The following GULP1 variants were observed in gnomAD, a reference collection of about 807,000 sequenced individuals.
The protein encoded by GULP1 is GULP PTB domain containing engulfment adaptor 1.
GULP1 carries 19 observed loss-of-function variants against 40.9 expected under a neutral mutation model. The observed-to-expected ratio is 0.46, with a 90% CI of 0.32 to 0.68. The LOEUF (loss-of-function observed/expected upper bound fraction) is 0.68. Among genes scored for constraint, GULP1 ranks in the 30% least tolerant of loss-of-function variants. The pLI is 0.03. For synonymous variants in GULP1, 119 were observed against 117.6 expected (o/e 1.01, Z -0.08); for missense variants, 312 against 362.2 (o/e 0.86, Z 1.12).
chr2:188,334,787 G>A (rs527876767), intron 1 of GULP1, among the ~76,000 whole-genome samples: 55 of 152,246 alleles, frequency 3.6e-4, no homozygotes, highest in Non-Finnish European at 5.3e-4. Context: ...TTTATTAGGG[G>A]AATAAAAGAT....
chr2:188,452,043 A>G lies in GULP1; in HGVS notation c.-44-25616A>G, dbSNP rs534308242. ...GAGATTTTTATAATTTTGGATCACTAGAAAAGTAAGTATATGCACTACAGC... is the reference window on the plus strand; with the variant it reads ...GAGATTTTTATAATTTTGGATCACTGGAAAAGTAAGTATATGCACTACAGC... On this transcript the variant is annotated intron_variant, in intron 2 of 11. Coordinates refer to ENST00000409830, the MANE Select transcript of GULP1 (RefSeq NM_016315.4). 7.2e-5 allele frequency among the ~76,000 whole-genome samples: 11 copies of G among 152,330 alleles called. No homozygotes were observed. In the East Asian group the frequency reaches 1.5e-3, roughly 21 times the overall value.
intron 2 of GULP1, among the ~76,000 whole-genome samples, chr2:188,450,731 G>A (rs1030776103): frequency 2.0e-5 from 3 of 151,946 alleles, no homozygotes; most frequent in Non-Finnish European, 2.9e-5. Flanking sequence ...GATGTTTCCC[G>A]TTTATTAAGT....
chr2:188,528,095 A>G (rs1358255093), intron 5 of GULP1, among the ~76,000 whole-genome samples: 1 of 152,132 alleles, frequency 6.6e-6, no homozygotes, highest in Non-Finnish European at 1.5e-5. Flanking sequence ...AAAAAGTTGG[A>G]TGCTGGGGTG....
At chr2:188,351,301 G>C (rs2044413809) in intron 1 of GULP1, among the ~76,000 whole-genome samples, 1 of 152,100 alleles carries the variant, frequency 6.6e-6, no homozygotes, top group Non-Finnish European at 1.5e-5. Flanking sequence ...GATTATGACA[G>C]AATTAAGGGA....
intron 2 of GULP1, among the ~76,000 whole-genome samples, chr2:188,460,553 G>A (rs765658954): frequency 3.9e-5 from 6 of 151,948 alleles, no homozygotes; most frequent in East Asian, 1.9e-4. Context: ...TGTTTTGGTG[G>A]AGTGTTTAGG....
At chr2:188,320,720 A>T (rs1045912988) in intron 1 of GULP1, among the ~76,000 whole-genome samples, 2 of 152,148 alleles carry the variant, frequency 1.3e-5, no homozygotes, top group African/African-American at 4.8e-5. Context: ...ATCCTTCAAC[A>T]TTCATCTTCT....
At position 188,364,174 on chromosome 2, in the gene GULP1, A is replaced by G. The variant is rs1057262126; in HGVS notation, c.-171-19589A>G. On this transcript the variant is annotated intron_variant, in intron 1 of 11. Transcript: ENST00000409830. ...CCTATCTGATCATCTTGCTCAAGCAATAGGCAATCCTTTTGCAAATAAGTG... is the reference window on the plus strand; with the variant it reads ...CCTATCTGATCATCTTGCTCAAGCAGTAGGCAATCCTTTTGCAAATAAGTG... Among the ~76,000 whole-genome samples, 4 of 152,144 alleles carry G rather than the reference A, an allele frequency of 2.6e-5. No homozygotes were observed. In the East Asian group the frequency reaches 5.8e-4, roughly 22 times the overall value.
intron 2 of GULP1, among the ~76,000 whole-genome samples, chr2:188,386,530 T>G (rs2049779185): frequency 6.6e-6 from 1 of 152,156 alleles, no homozygotes; most frequent in Non-Finnish European, 1.5e-5. Context: ...GTATTTTCTA[T>G]TATATCTGTT....
chr2:188,491,072 A>G (rs2062337978), intron 4 of GULP1, among the ~76,000 whole-genome samples: 1 of 152,076 alleles, frequency 6.6e-6, no homozygotes, highest in Non-Finnish European at 1.5e-5. Context: ...TGCTGGGATT[A>G]CAGGGATGAG....
intron 1 of GULP1, among the ~76,000 whole-genome samples, chr2:188,368,351 C>T (rs894345650): frequency 6.6e-6 from 1 of 151,980 alleles, no homozygotes; most frequent in South Asian, 2.1e-4. Context: ...GGGGCATAGG[C>T]GGGTGGATCA....
At chr2:188,384,848 CTA>C (rs2049466727) in intron 2 of GULP1, among the ~76,000 whole-genome samples, 1 of 152,224 alleles carries the variant, frequency 6.6e-6, no homozygotes. Context: ...TCCTTTGATG[CTA>C]TGTCTCACAT....
Position 188,354,205 on chromosome 2 carries a change from C to T in GULP1, c.-171-29558C>T, listed in dbSNP as rs2044927510. Reference sequence around the variant, plus strand: ...AGCCTGGGATACTGCCAATTTTTACCATCTCAGAGTCCAGAGTCACCACTG... The same window carrying T: ...AGCCTGGGATACTGCCAATTTTTACTATCTCAGAGTCCAGAGTCACCACTG... On this transcript the variant is annotated intron_variant, in intron 1 of 11. Coordinates refer to ENST00000409830, the MANE Select transcript of GULP1 (RefSeq NM_016315.4). Among the ~76,000 whole-genome samples, 4 of 152,106 alleles carry T rather than the reference C, an allele frequency of 2.6e-5. No homozygotes were observed. The South Asian group carries it at 8.3e-4, about 31-fold the overall frequency.
At chr2:188,577,934 A>T (rs1314331886) in intron 9 of GULP1, among the ~76,000 whole-genome samples, 1 of 151,974 alleles carries the variant, frequency 6.6e-6, no homozygotes, top group Admixed American at 6.6e-5. Flanking sequence ...CTTTAATGTT[A>T]TTTATAATTT....
intron 1 of GULP1, among the ~76,000 whole-genome samples, chr2:188,299,723 G>C (rs767313277): frequency 2.0e-5 from 3 of 152,202 alleles, no homozygotes; most frequent in South Asian, 4.1e-4. Context: ...CAGTGCAGAG[G>C]ATGTTGAGGA....
intron 11 of GULP1, chr2:188,588,821 A>T (rs1702936236): frequency 6.6e-6 from 1 of 152,112 alleles, no homozygotes; most frequent in Non-Finnish European, 1.5e-5. Flanking sequence ...GTGAACACTG[A>T]TCTATCACTG....
chr2:188,478,142 T>A (rs1000572290), intron 3 of GULP1, among the ~76,000 whole-genome samples: 17 of 152,212 alleles, frequency 1.1e-4, no homozygotes, highest in African/African-American at 4.1e-4. Context: ...TCATGTATCA[T>A]TGAACAATAT....
intron 1 of GULP1, among the ~76,000 whole-genome samples, chr2:188,364,938 A>G (rs981257468): frequency 3.3e-5 from 5 of 151,488 alleles, no homozygotes; most frequent in African/African-American, 9.7e-5. Context: ...GTATATATAT[A>G]TATACACACA....
intron 4 of GULP1, among the ~76,000 whole-genome samples, chr2:188,486,902 A>G (rs906387129): frequency 6.6e-6 from 1 of 151,898 alleles, no homozygotes; most frequent in Admixed American, 6.6e-5. Context: ...ATAGGGACAT[A>G]TATTTAGAGA....
intron 2 of GULP1, among the ~76,000 whole-genome samples, chr2:188,464,000 C>T (rs1168887826): frequency 6.6e-6 from 1 of 151,960 alleles, no homozygotes; most frequent in African/African-American, 2.4e-5. Context: ...TCTGTTTCTC[C>T]AGGATTGTTC....
Sources: allele counts gnomAD v4.1 joint callset (sites outside exome capture counted in the v4.1 genomes callset), GRCh38; gene constraint gnomAD v4.1.1; transcripts MANE v1.5; gene names NCBI Gene and HGNC (gene_info 2026-07-23, HGNC 2026-07-21).